CHD5: variants seen among roughly 807,000 people sequenced by gnomAD.
CHD5 encodes chromodomain helicase DNA binding protein 5.
CHD5 carries 69 observed loss-of-function variants against 230.3 expected under a neutral mutation model. The ratio of observed to expected loss-of-function variants is 0.30; its 90% confidence interval spans 0.25 to 0.37. CHD5 has a LOEUF of 0.37. CHD5 is among the 10% of genes least tolerant of loss of function. The pLI is 1.00. For missense variants in CHD5, 1,827 were observed against 2,622.8 expected (o/e 0.70, Z 6.63); for synonymous variants, 1,064 against 1,065.9 (o/e 1.00, Z 0.03).
chr1:6,126,986 C>T lies in CHD5; in HGVS notation c.3904-240G>A, dbSNP rs978658742. 3.9e-5 allele frequency: 22 copies of T among 559,322 alleles called. No homozygotes were observed. The highest frequency in any genetic ancestry group is 3.0e-4 in the African/African-American group (16 of 53,022). 34.6% of individuals were successfully genotyped at this position (559,322 alleles called of 1,614,324 possible). On this transcript the variant is annotated intron_variant, in intron 25 of 41. Coordinates refer to ENST00000262450, the MANE Select transcript of CHD5 (RefSeq NM_015557.3). The surrounding 1 kb of genome is among the most constrained non-coding windows in gnomAD (Gnocchi z 5.7). ...TCCATTCACAAAGCAAGTATTTCCT[C>T]GCCTCCTGTCAAGCACTGAGGTACT...
rs1297009433 is a variant in CHD5, at chr1:6,129,260, C to G, written c.3388-191G>C. On this transcript the variant is annotated intron_variant, in intron 22 of 41. Transcript: ENST00000262450. The surrounding 1 kb of genome is among the most constrained non-coding windows in gnomAD (Gnocchi z 6.8). Reference sequence around the variant, plus strand: ...CCCTGACTGCGGAGCCTCCCACAAGCCTGGGTGCCAGGCTGGGTTTGGAGT... The same window carrying G: ...CCCTGACTGCGGAGCCTCCCACAAGGCTGGGTGCCAGGCTGGGTTTGGAGT... Among the ~76,000 whole-genome samples the G allele has an allele frequency of 1.3e-5, 2 of 152,176 alleles. No individual in the cohort carries two copies. The highest frequency in any genetic ancestry group is 2.9e-5 in the Non-Finnish European group (2 of 68,036).
In CHD5 at chr1:6,124,055, G is replaced by A; in HGVS notation, c.4592C>T (p.Pro1531Leu). 1 of 1,613,302 alleles carries A rather than the reference G, an allele frequency of 6.2e-7. No individual in the cohort carries two copies. Among genetic ancestry groups the A allele is most frequent in the Admixed American group, 1.7e-5 (1 of 59,858 alleles). Residue 1531 changes from proline (P) to leucine (L), a missense_variant, in exon 31 of 42, where the codon CCT (proline) becomes CTT (leucine). By Grantham distance (98) the Pro-to-Leu change is moderately conservative. Coordinates refer to ENST00000262450, the MANE Select transcript of CHD5 (RefSeq NM_015557.3). Reference sequence around the variant, plus strand: ...CGACTTCTTCCCCTCGGGCCCCTCAGGGATCAAGTCTGGGGTGCTGTACTT... The same window carrying A: ...CGACTTCTTCCCCTCGGGCCCCTCAAGGATCAAGTCTGGGGTGCTGTACTT... ...NGKYSTPDLI[P>L]EGPEGKKSGE... is the part of the protein sequence containing the mutation.
In CHD5 at chr1:6,106,137, G is replaced by A. The variant is rs1666159987; in HGVS notation, c.*46+97C>T. 3.5e-6 allele frequency: 4 copies of A among 1,128,968 alleles called. No homozygotes were observed. The East Asian group carries it at 7.1e-5, about 20-fold the overall frequency. 69.9% of individuals were successfully genotyped at this position (1,128,968 alleles called of 1,614,324 possible). ...GGCAGTAAAAGCTCCAGGACTTAGG[G>A]ACGGGAGTCAAGTGCAGGGGCAGGG... On this transcript the variant is annotated intron_variant, in intron 41 of 41. Transcript: ENST00000262450.
Position 6,128,819 on chromosome 1 carries a change from C to T in CHD5, c.3619+19G>A. 1.3e-6 allele frequency: 2 copies of T among 1,598,016 alleles called. No homozygotes were observed. Among genetic ancestry groups the T allele is most frequent in the Non-Finnish European group, 1.7e-6 (2 of 1,167,306 alleles). On this transcript the variant is annotated intron_variant, in intron 23 of 41. Transcript: ENST00000262450. The surrounding 1 kb of genome is among the most constrained non-coding windows in gnomAD (Gnocchi z 7.8). ...GCCACCCCAGTCCCCTGCCACGCTC[C>T]CTCGGAACAGAGGCCCACCCTCCAC... is the stretch of plus-strand genomic sequence containing the variant.
intron 1 of CHD5, among the ~76,000 whole-genome samples, chr1:6,169,738 G>A (rs1203325105): frequency 2.6e-5 from 4 of 152,164 alleles, no homozygotes; most frequent in South Asian, 2.1e-4. Context: ...CTCTAGAAGG[G>A]CCCACGAGAG....
chr1:6,159,222 C>T (rs1449628616), intron 3 of CHD5, 114 bp downstream of exon 3: 2 of 1,446,022 alleles, frequency 1.4e-6, no homozygotes, highest in Non-Finnish European at 1.8e-6. Flanking sequence ...CAGAGTGAGA[C>T]TCCATCACAC....
chr1:6,150,376 G>A (rs1175083038), intron 7 of CHD5, among the ~76,000 whole-genome samples: 1 of 138,066 alleles, frequency 7.2e-6, no homozygotes, highest in East Asian at 2.0e-4. Context: ...AAGGATGGAT[G>A]GATGGATGGA....
intron 41 of CHD5, 69 bp downstream of exon 41, chr1:6,106,165 G>A: frequency 7.1e-7 from 1 of 1,418,142 alleles, no homozygotes; most frequent in South Asian, 1.2e-5. Flanking sequence ...GGGCAGGGCT[G>A]ACTGTGGCCA....
chr1:6,142,394 C>A lies in CHD5; in HGVS notation c.2235+20G>T. On this transcript the variant is annotated intron_variant, in intron 14 of 41. Transcript: ENST00000262450. This position sits in a 1 kb window ranked among gnomAD's most constrained non-coding sequence, Gnocchi z 5.2. ...GCCAGGACCAGCCACCCCTCCTGGC[C>A]GCCTGCCCCGCCTGCCCACCTCCTT... 6.3e-7 allele frequency: 1 copy of A among 1,596,554 alleles called. No homozygotes were observed. The highest frequency in any genetic ancestry group is 8.6e-7 in the Non-Finnish European group (1 of 1,167,534).
chr1:6,148,916 G>A lies in CHD5; in HGVS notation c.1321C>T (p.His441Tyr). 1 of 1,592,686 alleles carries A rather than the reference G, an allele frequency of 6.3e-7. No homozygotes were observed. The highest frequency in any genetic ancestry group is 8.6e-7 in the Non-Finnish European group (1 of 1,168,846). ...TCGGGCAGCGGCGGGTTGAGGCAAT[G>A]CAGGTGGTAGGAGGAGGGGCAGGCG... The part of the protein sequence containing the change: ...CDACPSSYHL[H>Y]CLNPPLPEIP... Residue 441 changes from histidine (H) to tyrosine (Y), a missense_variant, in exon 9 of 42, where the codon CAT (histidine) becomes TAT (tyrosine). Physicochemically the swap from His to Tyr is moderately conservative, Grantham distance 83 (BLOSUM62 2). This residue lies in a region of CHD5 where 657 missense variants were observed against 816.4 expected (regional missense o/e 0.80). Transcript: ENST00000262450.
chr1:6,130,092 A>G lies in CHD5; in HGVS notation c.3387+112T>C, dbSNP rs1451132176. 3 of 1,278,168 alleles carry G rather than the reference A, an allele frequency of 2.3e-6. No homozygotes were observed. The highest frequency in any genetic ancestry group is 3.3e-6 in the Non-Finnish European group (3 of 906,298). The allele number at this position is 1,278,168 out of a possible 1,614,324, so 79.2% of individuals were successfully genotyped here. A position where few individuals can be genotyped will look rare whatever the true frequency, so the allele number is the denominator to read the frequency against. ...GACTCCACGGGGGAGGGAGGCCCAC[A>G]GCACCAGGATAGGTGAGGGGGTGAT... is the stretch of plus-strand genomic sequence containing the variant. On this transcript the variant is annotated intron_variant, in intron 22 of 41. Coordinates refer to ENST00000262450, the MANE Select transcript of CHD5 (RefSeq NM_015557.3). This position sits in a 1 kb window ranked among gnomAD's most constrained non-coding sequence, Gnocchi z 4.9.
chr1:6,111,954 C>CTTGGAGAGGCTTGGAGAG, intron 35 of CHD5, 71 bp from the exon 36 acceptor site: 1 of 1,458,110 alleles, frequency 6.9e-7, no homozygotes, highest in Non-Finnish European at 9.5e-7. Flanking sequence ...CTTGGAGAGC[C>CTTGGAGAGGCTTGGAGAG]GCTCCCTCCC....
intron 2 of CHD5, among the ~76,000 whole-genome samples, chr1:6,166,421 G>A (rs989994691): frequency 6.6e-6 from 1 of 151,950 alleles, no homozygotes; most frequent in Non-Finnish European, 1.5e-5. Context: ...GGGGCTGGGA[G>A]AGAAGGGCCG....
chr1:6,164,576 C>T (rs575446980), intron 2 of CHD5, among the ~76,000 whole-genome samples: 8 of 152,308 alleles, frequency 5.3e-5, no homozygotes, highest in Admixed American at 3.9e-4. Context: ...CCCTTCACCC[C>T]GTCATCTTGG....
intron 3 of CHD5, among the ~76,000 whole-genome samples, chr1:6,157,784 G>A (rs1257645375): frequency 1.3e-5 from 2 of 152,184 alleles, no homozygotes; most frequent in African/African-American, 2.4e-5. Context: ...GTGAGCGAGG[G>A]GATGATACTG....
intron 5 of CHD5, among the ~76,000 whole-genome samples, chr1:6,153,252 G>A (rs1456468885): frequency 6.6e-6 from 1 of 152,226 alleles, no homozygotes. Flanking sequence ...TCCAAGCTCT[G>A]AATAAGCAGC....
chr1:6,128,619 A>G lies in CHD5; in HGVS notation c.3620-10T>C, dbSNP rs1666602352. 6.2e-7 allele frequency: 1 copy of G among 1,602,238 alleles called. No individual in the cohort carries two copies. Among genetic ancestry groups the G allele is most frequent in the Admixed American group, 1.7e-5 (1 of 59,950 alleles). On this transcript the variant is annotated splice_polypyrimidine_tract_variant and intron_variant, in intron 23 of 41. Coordinates refer to ENST00000262450, the MANE Select transcript of CHD5 (RefSeq NM_015557.3). This position sits in a 1 kb window ranked among gnomAD's most constrained non-coding sequence, Gnocchi z 7.8. ...CCCTGAGACATCATGCCTGTCAGAC[A>G]GAGAAGGAAAGCACTGGTGCAGGAC...
At chr1:6,139,727 T>A (rs1045739287) in intron 15 of CHD5, among the ~76,000 whole-genome samples, 21 of 152,160 alleles carry the variant, frequency 1.4e-4, no homozygotes, top group Non-Finnish European at 2.9e-4. Context: ...AACTGTACTT[T>A]TAAAAACGGT....
chr1:6,106,815 G>C (rs773902869), intron 38 of CHD5, 36 bp from the exon 39 acceptor site: 410 of 1,374,006 alleles, frequency 3.0e-4, no homozygotes, highest in Non-Finnish European at 3.8e-4. Context: ...AGGATGCAGG[G>C]ATGGAGGGGT....
Sources: allele counts gnomAD v4.1 joint callset (sites outside exome capture counted in the v4.1 genomes callset), GRCh38; gene constraint gnomAD v4.1.1; regional missense constraint gnomAD v4.1.1; non-coding constraint Gnocchi (gnomAD v3.1); transcripts MANE v1.5; gene names NCBI Gene and HGNC (gene_info 2026-07-23, HGNC 2026-07-21).